Variants in WDFY1 observed in about 807,000 individuals in gnomAD.
The protein encoded by WDFY1 is WD repeat and FYVE domain-containing protein 1.
In WDFY1, 32 loss-of-function variants were observed where a neutral mutation model predicts 56.4. That is an observed-to-expected ratio of 0.57 (90% CI 0.43 to 0.76). WDFY1 has a LOEUF of 0.76. Among genes scored for constraint, WDFY1 ranks in the 30% least tolerant of loss-of-function variants. The probability of loss-of-function intolerance (pLI) is 0.00; values close to 1 mark genes in which losing one functional copy is unlikely to be tolerated. For missense variants in WDFY1, 480 were observed against 545.7 expected, an observed-to-expected ratio of 0.88 and a Z score of 1.20; for synonymous variants, 192 against 197.3, an observed-to-expected ratio of 0.97 and a Z score of 0.23.
chr2:223,910,446 T>C (rs1175103940), intron 3 of WDFY1, among the ~76,000 whole-genome samples: 8 of 145,714 alleles, frequency 5.5e-5, no homozygotes, highest in Non-Finnish European at 1.1e-4. Context: ...TTCACCAAAC[T>C]TAAAAAAAAA....
intron 5 of WDFY1, 169 bp downstream of exon 5, chr2:223,901,014 A>G: frequency 1.2e-6 from 1 of 804,272 alleles, no homozygotes; most frequent in Non-Finnish European, 1.8e-6. Flanking sequence ...AAGTAATTGC[A>G]ATTTTTGCAA....
At chr2:223,889,979 T>G (rs986442498) in intron 8 of WDFY1, among the ~76,000 whole-genome samples, 1 of 152,184 alleles carries the variant, frequency 6.6e-6, no homozygotes, top group African/African-American at 2.4e-5. Context: ...CAACTGTCAA[T>G]GAGTACACGC....
chr2:223,890,908 T>A (rs557008020), intron 8 of WDFY1, among the ~76,000 whole-genome samples: 1 of 152,232 alleles, frequency 6.6e-6, no homozygotes, highest in African/African-American at 2.4e-5. Flanking sequence ...CTCATTATGA[T>A]CTGGCAGGGA....
intron 8 of WDFY1, 141 bp downstream of exon 8, chr2:223,894,093 G>C: frequency 2.7e-6 from 2 of 730,396 alleles, no homozygotes; most frequent in Non-Finnish European, 4.6e-6. Context: ...GACCTTGTCA[G>C]AAATAACCCA....
chr2:223,930,361 G>A (rs1694054264), intron 1 of WDFY1, among the ~76,000 whole-genome samples: 2 of 152,166 alleles, frequency 1.3e-5, no homozygotes, highest in Admixed American at 1.3e-4. Context: ...ACGGAGTCCG[G>A]TTCTGTCACC....
chr2:223,896,154 T>TGAAAAAAAAAAAAAAAAAA (rs1693367664), intron 6 of WDFY1, among the ~76,000 whole-genome samples: 1 of 6,554 alleles, frequency 1.5e-4, no homozygotes. Context: ...AGACTCTGTC[T>TGAAAAAAAAAAAAAAAAAA]CAAAAAAAAA....
At chr2:223,917,729 C>T (rs555244791) in intron 2 of WDFY1, among the ~76,000 whole-genome samples, 12 of 152,182 alleles carry the variant, frequency 7.9e-5, no homozygotes, top group South Asian at 2.1e-4. Flanking sequence ...CACACCACCA[C>T]GCCCAGCTAA....
intron 3 of WDFY1, among the ~76,000 whole-genome samples, chr2:223,910,973 T>C (rs1276682784): frequency 2.6e-5 from 4 of 152,184 alleles, no homozygotes; most frequent in Admixed American, 6.5e-5. Flanking sequence ...TGAATTTTCA[T>C]AGCAACGTTA....
At chr2:223,893,390 C>T (rs138806021) in intron 8 of WDFY1, among the ~76,000 whole-genome samples, 18 of 151,076 alleles carry the variant, frequency 1.2e-4, no homozygotes, top group African/African-American at 4.4e-4. Context: ...ATAAGCTGTG[C>T]ATGGTAGTGT....
At chr2:223,917,195 T>C (rs1325891910) in intron 2 of WDFY1, among the ~76,000 whole-genome samples, 11 of 152,158 alleles carry the variant, frequency 7.2e-5, no homozygotes, top group Non-Finnish European at 2.9e-5. Flanking sequence ...CTGAGAAAAT[T>C]CTCTATTTAG....
At chr2:223,879,442 G>C (rs527335454) in intron 11 of WDFY1, among the ~76,000 whole-genome samples, 124 of 152,144 alleles carry the variant, frequency 8.2e-4, no homozygotes, top group African/African-American at 2.9e-3. Context: ...GATCGCTTGA[G>C]CCGAGGAGTT....
chr2:223,914,847 A>C (rs1693761996), intron 2 of WDFY1, among the ~76,000 whole-genome samples: 1 of 152,228 alleles, frequency 6.6e-6, no homozygotes, highest in South Asian at 2.1e-4. Context: ...ATTTTTCTTC[A>C]GCTAAAGCAG....
At chr2:223,890,615 TGA>T (rs1329001884) in intron 8 of WDFY1, among the ~76,000 whole-genome samples, 6 of 152,338 alleles carry the variant, frequency 3.9e-5, no homozygotes, top group Admixed American at 3.9e-4. Context: ...CGTTTTGTGC[TGA>T]GAAGAGCAAG....
rs892240917 is a variant in WDFY1 at position 223,906,036 on chromosome 2, A to C, written c.280-35T>G. The C allele has an allele frequency of 3.4e-6, 5 of 1,471,476 alleles. No individual in the cohort carries two copies. In the South Asian group the frequency reaches 6.4e-5, roughly 19 times the overall value. 91.2% of individuals were successfully genotyped at this position (1,471,476 alleles called of 1,614,324 possible). On this transcript the variant is annotated intron_variant, in intron 3 of 11. Transcript: ENST00000233055. ...AATGCACAAAATAAAAAATTAAAAGAGTTATGGTTTTAAAAAACAACAGAA... is the reference window on the plus strand; with the variant it reads ...AATGCACAAAATAAAAAATTAAAAGCGTTATGGTTTTAAAAAACAACAGAA...
In WDFY1 at chr2:223,880,200, T is replaced by C. The variant is rs1313466399; in HGVS notation, c.1097A>G (p.Lys366Arg). 1 of 1,614,028 alleles carries C rather than the reference T, an allele frequency of 6.2e-7. No individual in the cohort carries two copies. The highest frequency in any genetic ancestry group is 8.5e-7 in the Non-Finnish European group (1 of 1,179,996). Residue 366 changes from lysine to arginine, a missense_variant, in exon 11 of 12, where the codon AAA becomes AGA. Lys to Arg is a conservative substitution (Grantham distance 26). Transcript: ENST00000233055. ...CATGGACATGTGGGAAATGTTATGT[T>C]TTCCTTCATGAAAGGTCGCTAGAGA... ...RTSLATFHEG[K>R]HNISHMSMDI...
At chr2:223,927,745 C>A (rs1335557765) in intron 1 of WDFY1, among the ~76,000 whole-genome samples, 1 of 152,186 alleles carries the variant, frequency 6.6e-6, no homozygotes, top group African/African-American at 2.4e-5. Context: ...GCCTAGCTTT[C>A]GGCCTGTCTC....
In WDFY1 at chr2:223,897,351, C is replaced by CATATATATAT. The variant is rs1194128689; in HGVS notation, c.598+1597_598+1606dup. ...AGACATGTGTCCCCTCTAAATTTCG[C>CATATATATAT]ATATATATATATATATATATATATA... On this transcript the variant is annotated intron_variant, in intron 6 of 11. Coordinates refer to ENST00000233055, the MANE Select transcript of WDFY1 (RefSeq NM_020830.5). 6.0e-3 allele frequency among the ~76,000 whole-genome samples: 321 copies of CATATATATAT among 53,514 alleles called. 1 individual carries two copies. The highest frequency in any genetic ancestry group is 0.017 in the African/African-American group (249 of 14,474). 35.1% of individuals were successfully genotyped at this position (53,514 alleles called of 152,430 possible).
At chr2:223,881,779 C>T (rs1378366990) in intron 10 of WDFY1, among the ~76,000 whole-genome samples, 163 bp downstream of exon 10, 2 of 152,076 alleles carry the variant, frequency 1.3e-5, no homozygotes, top group African/African-American at 2.4e-5. Flanking sequence ...CAGAGCAAGA[C>T]TCTGTCTCAA....
chr2:223,898,275 C>A (rs1693433668), intron 6 of WDFY1, among the ~76,000 whole-genome samples: 1 of 152,180 alleles, frequency 6.6e-6, no homozygotes. Context: ...TTGTATTTAT[C>A]AGGTCTTGCT....
Sources: gnomAD v4.1 joint callset for allele counts (sites outside exome capture counted in the v4.1 genomes callset) on GRCh38, gnomAD v4.1.1 for gene constraint, MANE v1.5 for transcripts, NCBI Gene and HGNC (gene_info 2026-07-23, HGNC 2026-07-21) for gene names.